Variants in TAFA4 observed in about 807,000 individuals in gnomAD.
TAFA4 encodes chemokine-like protein TAFA-4.
A neutral mutation model predicts 21.1 loss-of-function variants in TAFA4; 20 were observed. The ratio of observed to expected loss-of-function variants is 0.95; its 90% confidence interval spans 0.67 to 1.38. TAFA4 has a LOEUF of 1.38. TAFA4 is among the 40% of genes most tolerant of loss of function. The pLI, the probability that TAFA4 is intolerant of heterozygous loss-of-function variation, is 0.00. For synonymous variants in TAFA4, 71 were observed against 67.4 expected (o/e 1.05, Z -0.26); for missense variants, 211 against 180.9 (o/e 1.17, Z -0.95).
At position 68,864,465 on chromosome 3, in the gene TAFA4, T is replaced by C. The variant is rs7610991; in HGVS notation, c.130+16265A>G. 7.3e-3 allele frequency among the ~76,000 whole-genome samples: 1,116 copies of C among 152,228 alleles called. 10 individuals are homozygous for C. Among genetic ancestry groups the C allele is most frequent in the African/African-American group, 0.026 (1,065 of 41,572 alleles). ...ACAATACTTAGTGCTGGCAAGAATA[T>C]GAAGGGACTGAAACTCTCATTCACT... On this transcript the variant is annotated intron_variant, in intron 3 of 5. Transcript: ENST00000295569.
intron 3 of TAFA4, among the ~76,000 whole-genome samples, chr3:68,777,669 G>T (rs1017119733): frequency 1.3e-5 from 2 of 151,956 alleles, no homozygotes; most frequent in South Asian, 4.1e-4. Context: ...AACAAATTAA[G>T]AATATATAAA....
intron 1 of TAFA4, among the ~76,000 whole-genome samples, chr3:68,890,029 AT>A (rs2089715162): frequency 6.6e-6 from 1 of 152,226 alleles, no homozygotes; most frequent in Non-Finnish European, 1.5e-5. Context: ...AAATTTCCTC[AT>A]TTTGATCCTC....
At chr3:68,870,574 T>A (rs1559549246) in intron 3 of TAFA4, among the ~76,000 whole-genome samples, 1 of 152,136 alleles carries the variant, frequency 6.6e-6, no homozygotes. Context: ...CTCATTTTTT[T>A]AATTTTTATT....
intron 3 of TAFA4, among the ~76,000 whole-genome samples, chr3:68,872,287 C>T (rs1354530853): frequency 6.6e-6 from 1 of 151,976 alleles, no homozygotes; most frequent in Non-Finnish European, 1.5e-5. Flanking sequence ...ATTATGTTAA[C>T]TGAAATAAGC....
At chr3:68,848,701 A>T (rs1016883276) in intron 3 of TAFA4, among the ~76,000 whole-genome samples, 1 of 152,178 alleles carries the variant, frequency 6.6e-6, no homozygotes, top group African/African-American at 2.4e-5. Flanking sequence ...TCAGACAGTA[A>T]TTTCTGTTGC....
At chr3:68,746,920 T>G (rs1157030181) in intron 4 of TAFA4, among the ~76,000 whole-genome samples, 1 of 152,212 alleles carries the variant, frequency 6.6e-6, no homozygotes, top group Non-Finnish European at 1.5e-5. Context: ...CGGTCAATCC[T>G]GTACATTGTA....
chr3:68,912,438 G>T (rs2089968672), intron 1 of TAFA4, among the ~76,000 whole-genome samples: 1 of 152,196 alleles, frequency 6.6e-6, no homozygotes, highest in African/African-American at 2.4e-5. Flanking sequence ...TGCAAAACAG[G>T]AACATTAATT....
chr3:68,868,065 T>A (rs2089440579), intron 3 of TAFA4, among the ~76,000 whole-genome samples: 2 of 152,046 alleles, frequency 1.3e-5, no homozygotes, highest in African/African-American at 4.8e-5. Flanking sequence ...TGAGTAGATT[T>A]TTGAAAAACA....
At chr3:68,734,323 C>G (rs1702201816) in intron 5 of TAFA4, among the ~76,000 whole-genome samples, 1 of 152,124 alleles carries the variant, frequency 6.6e-6, no homozygotes, top group East Asian at 1.9e-4. Flanking sequence ...TTGCTGATCC[C>G]TATTCCAGAG....
intron 3 of TAFA4, among the ~76,000 whole-genome samples, chr3:68,850,572 A>T (rs1221269739): frequency 6.6e-6 from 1 of 152,180 alleles, no homozygotes; most frequent in Non-Finnish European, 1.5e-5. Context: ...TTACTTTTCA[A>T]TAATTGCCAT....
At chr3:68,886,257 T>G (rs1259743605) in intron 1 of TAFA4, among the ~76,000 whole-genome samples, 3 of 152,170 alleles carry the variant, frequency 2.0e-5, no homozygotes, top group Non-Finnish European at 4.4e-5. Context: ...GGTGATAAAT[T>G]TGAAGACTCA....
chr3:68,914,161 T>G (rs1052417850), intron 1 of TAFA4, among the ~76,000 whole-genome samples: 1 of 152,226 alleles, frequency 6.6e-6, no homozygotes, highest in Non-Finnish European at 1.5e-5. Context: ...AAGTAGCCTA[T>G]TCTTACAACG....
intron 3 of TAFA4, among the ~76,000 whole-genome samples, chr3:68,776,638 G>C (rs1259269595): frequency 6.6e-6 from 1 of 152,110 alleles, no homozygotes; most frequent in African/African-American, 2.4e-5. Flanking sequence ...AATCACAGCA[G>C]AACTGTCAAC....
intron 3 of TAFA4, among the ~76,000 whole-genome samples, chr3:68,760,195 G>C (rs1407502111): frequency 1.3e-5 from 2 of 152,108 alleles, no homozygotes; most frequent in Non-Finnish European, 2.9e-5. Context: ...AAAATTGATT[G>C]CTTCAGGACT....
At chr3:68,909,925 G>T (rs1198177355) in intron 1 of TAFA4, among the ~76,000 whole-genome samples, 2 of 152,156 alleles carry the variant, frequency 1.3e-5, no homozygotes, top group African/African-American at 4.8e-5. Flanking sequence ...GCTTGGGGGA[G>T]GAAGACTTCC....
At chr3:68,776,268 T>C (rs1005796548) in intron 3 of TAFA4, among the ~76,000 whole-genome samples, 1 of 152,056 alleles carries the variant, frequency 6.6e-6, no homozygotes, top group African/African-American at 2.4e-5. Context: ...ATATATGCTA[T>C]CTATAAGAGG....
At chr3:68,897,483 G>A (rs184118159) in intron 1 of TAFA4, among the ~76,000 whole-genome samples, 87 of 151,882 alleles carry the variant, frequency 5.7e-4, no homozygotes, top group East Asian at 4.1e-3. Context: ...AAAATTAGCC[G>A]GGCATGGTGG....
chr3:68,827,233 G>A (rs919056456), intron 3 of TAFA4, among the ~76,000 whole-genome samples: 1 of 152,012 alleles, frequency 6.6e-6, no homozygotes, highest in Non-Finnish European at 1.5e-5. Context: ...TTTTATGGCT[G>A]CATAGTATTT....
At chr3:68,809,557 T>C (rs1375742396) in intron 3 of TAFA4, among the ~76,000 whole-genome samples, 1 of 150,844 alleles carries the variant, frequency 6.6e-6, no homozygotes. Context: ...AGAAGTTCTC[T>C]AGTTTGATGT....
Sources: allele counts gnomAD v4.1 joint callset (sites outside exome capture counted in the v4.1 genomes callset), GRCh38; gene constraint gnomAD v4.1.1; transcripts MANE v1.5; gene names NCBI Gene and HGNC (gene_info 2026-07-23, HGNC 2026-07-21).